The following ACACA variants were observed in gnomAD, a reference collection of about 807,000 sequenced individuals.
ACACA encodes the protein acetyl-CoA carboxylase 1.
ACACA carries 103 observed loss-of-function variants against 296.1 expected under a neutral mutation model. The ratio of observed to expected loss-of-function variants is 0.35; its 90% CI spans 0.30 to 0.41. ACACA has a LOEUF of 0.41. ACACA is among the 10% of genes least tolerant of loss of function. The pLI, the probability that ACACA is intolerant of heterozygous loss-of-function variation, is 1.00. For synonymous variants in ACACA, 953 were observed against 1,038.6 expected, an observed-to-expected ratio of 0.92 and a Z score of 1.58; for missense variants, 1,554 against 2,989.7, an observed-to-expected ratio of 0.52 and a Z score of 11.20.
At chr17:37,392,140 A>G (rs2050910050) in intron 1 of ACACA, 1 of 176,354 alleles carries the variant, frequency 5.7e-6, no homozygotes. Context: ...TCAATAGCTT[A>G]GAGTGGGACT....
intron 14 of ACACA, 46 bp from the exon 15 acceptor site, chr17:37,253,082 G>GA (rs1446546836): frequency 6.2e-7 from 1 of 1,613,782 alleles, no homozygotes; most frequent in Non-Finnish European, 8.5e-7. Flanking sequence ...ACACTTTAAT[G>GA]TTTTTCAATA....
At chr17:37,139,979 G>A (rs1247358458) in intron 45 of ACACA, among the ~76,000 whole-genome samples, 1 of 152,170 alleles carries the variant, frequency 6.6e-6, no homozygotes, top group Non-Finnish European at 1.5e-5. Context: ...TTTGAACACT[G>A]TCTTTAAAGA....
chr17:37,334,799 T>C (rs1234986293), intron 2 of ACACA, among the ~76,000 whole-genome samples: 1 of 152,106 alleles, frequency 6.6e-6, no homozygotes, highest in East Asian at 1.9e-4. Context: ...AGAGTTTCTA[T>C]GGAGAATGCA....
chr17:37,097,289 G>T lies in ACACA; in HGVS notation c.6721-123C>A. The T allele has an allele frequency of 2.7e-6, 3 of 1,130,094 alleles. No individual in the cohort carries two copies. Among genetic ancestry groups the T allele is most frequent in the Non-Finnish European group, 2.6e-6 (2 of 777,314 alleles). 70.0% of individuals were successfully genotyped at this position (1,130,094 alleles called of 1,614,324 possible). A position where few individuals can be genotyped will look rare whatever the true frequency, so the allele number is the denominator to read the frequency against. Reference sequence around the variant, plus strand: ...AAGCCCTTCACAGACCCAAGAGCTGGCTGTAAACTCCTAGCACTTCCAGAT... The same window carrying T: ...AAGCCCTTCACAGACCCAAGAGCTGTCTGTAAACTCCTAGCACTTCCAGAT... On this transcript the variant is annotated intron_variant, in intron 53 of 55. Coordinates refer to ENST00000616317, the MANE Select transcript of ACACA (RefSeq NM_198834.3). The surrounding 1 kb of genome is among the most constrained non-coding windows in gnomAD (Gnocchi z 4.8).
At chr17:37,158,579 A>G (rs2144345523) in intron 42 of ACACA, among the ~76,000 whole-genome samples, 1 of 152,198 alleles carries the variant, frequency 6.6e-6, no homozygotes, top group African/African-American at 2.4e-5. Context: ...GCATTGAGCC[A>G]TAATCGCACC....
chr17:37,205,903 T>C (rs2078477244), intron 32 of ACACA, 31 bp from the exon 33 acceptor site: 1 of 1,531,850 alleles, frequency 6.5e-7, no homozygotes, highest in Non-Finnish European at 9.0e-7. Flanking sequence ...TCAAAGAAAT[T>C]ATGAGGCTGG....
intron 39 of ACACA, among the ~76,000 whole-genome samples, chr17:37,183,618 G>T (rs1182999260): frequency 6.6e-6 from 1 of 151,932 alleles, no homozygotes. Context: ...CACGAGGTCA[G>T]GAGATCGAGA....
Position 37,151,375 on chromosome 17 carries a change from C to G in ACACA, c.5494G>C (p.Glu1832Gln). The G allele has an allele frequency of 6.2e-7, 1 of 1,613,710 alleles. No individual in the cohort carries two copies. The highest frequency in any genetic ancestry group is 8.5e-7 in the Non-Finnish European group (1 of 1,179,720). Residue 1832 changes from glutamate to glutamine, a missense_variant, in exon 44 of 56, where the codon GAG (glutamate) becomes CAG (glutamine). Around this residue, in one of 16 missense-constraint regions of ACACA, gnomAD observed 553 missense variants for 1,043.6 expected, o/e 0.53. Coordinates refer to ENST00000616317, the MANE Select transcript of ACACA (RefSeq NM_198834.3). Reference protein sequence around the residue: ...IIGKEEGIGPENLRGSGMIAG... With the variant: ...IIGKEEGIGPQNLRGSGMIAG... ...ATCATTCCAGAACCTCGAAGGTTCT[C>G]GGGTCCAATTCCCTCTTCTTTCCCA...
chr17:37,259,685 CTGGACAAGGA>C (rs1413004582), intron 11 of ACACA, among the ~76,000 whole-genome samples, 155 bp from the exon 12 acceptor site: 4 of 152,066 alleles, frequency 2.6e-5, no homozygotes, highest in Non-Finnish European at 5.9e-5. Flanking sequence ...TACAATATCC[CTGGACAAGGA>C]TGAAAAACTC....
intron 3 of ACACA, among the ~76,000 whole-genome samples, chr17:37,326,501 A>G (rs2047628674): frequency 6.6e-6 from 1 of 151,690 alleles, no homozygotes; most frequent in African/African-American, 2.4e-5. Flanking sequence ...ATTACACTCC[A>G]GCCTGGGTAA....
chr17:37,352,091 C>T lies in ACACA; in HGVS notation c.39-12241G>A, dbSNP rs933839652. On this transcript the variant is annotated intron_variant, in intron 1 of 55. Transcript: ENST00000616317. The stretch of plus-strand genomic sequence containing the variant: ...GACTACAGGCGCCTGCCACCACATT[C>T]GTCTTTTTAGTAGAGACAAGGCTTC... Among the ~76,000 whole-genome samples, 3 of 151,792 alleles carry T rather than the reference C, an allele frequency of 2.0e-5. No homozygotes were observed. The Admixed American group carries it at 2.0e-4, about 10-fold the overall frequency.
At position 37,188,270 on chromosome 17, in the gene ACACA, A is replaced by G. The variant is rs749172593; in HGVS notation, c.4776+7T>C. ...AAAACTCTGAGGAGCCTGTTTGAGT[A>G]TTGTACCTGTGCTGTCCTGGAGTCA... On this transcript the variant is annotated splice_region_variant and intron_variant, in intron 39 of 55. Coordinates refer to ENST00000616317, the MANE Select transcript of ACACA (RefSeq NM_198834.3). 1 of 1,613,296 alleles carries G rather than the reference A, an allele frequency of 6.2e-7. No individual in the cohort carries two copies. The highest frequency in any genetic ancestry group is 8.5e-7 in the Non-Finnish European group (1 of 1,179,596).
At chr17:37,327,344 G>C (rs1448237344) in intron 3 of ACACA, among the ~76,000 whole-genome samples, 4 of 152,144 alleles carry the variant, frequency 2.6e-5, no homozygotes, top group Non-Finnish European at 5.9e-5. Flanking sequence ...ACCATATCCA[G>C]AAGTGACTTA....
intron 1 of ACACA, chr17:37,377,845 C>T (rs2050074690): frequency 6.4e-7 from 1 of 1,560,992 alleles, no homozygotes; most frequent in Admixed American, 1.7e-5. Flanking sequence ...CAAACCTTCC[C>T]CGGTTCCCCT....
At chr17:37,382,244 G>A (rs998233569) in intron 1 of ACACA, among the ~76,000 whole-genome samples, 1 of 151,992 alleles carries the variant, frequency 6.6e-6, no homozygotes, top group South Asian at 2.1e-4. Flanking sequence ...TATCCACACT[G>A]GGGGAGAATG....
In ACACA at chr17:37,406,623, C is replaced by T. The variant is rs2051523511; in HGVS notation, c.-324G>A. On this transcript the variant is annotated 5_prime_UTR_variant, in exon 1 of 56. Transcript: ENST00000616317. ...CCGGAGGGGACCAAACAGCCCCACG[C>T]GCCAGGAAGCCTCAGGCAACGGGCC... The T allele has an allele frequency of 3.8e-6, 2 of 523,420 alleles. No homozygotes were observed. Among genetic ancestry groups the T allele is most frequent in the South Asian group, 4.2e-5 (2 of 47,436 alleles). The allele number at this position is 523,420 out of a possible 1,614,324, so 32.4% of individuals were successfully genotyped here.
chr17:37,355,136 G>T (rs2049074401), intron 1 of ACACA, among the ~76,000 whole-genome samples: 1 of 151,820 alleles, frequency 6.6e-6, no homozygotes, highest in African/African-American at 2.4e-5. Context: ...CCACCTACTT[G>T]GGAGGCTGAG....
At chr17:37,250,084 A>G (rs1388567956) in intron 16 of ACACA, among the ~76,000 whole-genome samples, 2 of 152,246 alleles carry the variant, frequency 1.3e-5, no homozygotes, top group South Asian at 2.1e-4. Flanking sequence ...CTGTGACTCA[A>G]TTAAACTTCT....
Position 37,099,543 on chromosome 17 carries a change from GC to G in ACACA, c.6566-1560del, listed in dbSNP as rs1223281529. Reference sequence around the variant, plus strand: ...AGGGCTGATGGGAGGAGGGCTGATGGCGGGAGGGCTGATGGCAGGAGGGCTG... The same window carrying G: ...AGGGCTGATGGGAGGAGGGCTGATGGGGGAGGGCTGATGGCAGGAGGGCTG... On this transcript the variant is annotated intron_variant, in intron 52 of 55. Transcript: ENST00000616317. Among the ~76,000 whole-genome samples, 893 of 143,166 alleles carry G rather than the reference GC, an allele frequency of 6.2e-3. 27 individuals carry two copies. Among genetic ancestry groups the G allele is most frequent in the African/African-American group, 0.018 (693 of 37,816 alleles). The allele number at this position is 143,166 out of a possible 152,430, so 93.9% of individuals were successfully genotyped here. A position where few individuals can be genotyped will look rare whatever the true frequency, so the allele number is the denominator to read the frequency against.
Sources: allele counts gnomAD v4.1 joint callset (sites outside exome capture counted in the v4.1 genomes callset), GRCh38; gene constraint gnomAD v4.1.1; regional missense constraint gnomAD v4.1.1; non-coding constraint Gnocchi (gnomAD v3.1); transcripts MANE v1.5; gene names NCBI Gene and HGNC (gene_info 2026-07-23, HGNC 2026-07-21).